Variants in SEMA6D observed in about 807,000 individuals in gnomAD.
SEMA6D encodes semaphorin 6D, also known as semaphorin-6D.
A neutral mutation model predicts 106.6 loss-of-function variants in SEMA6D; 35 were observed. That is an observed-to-expected ratio of 0.33 (90% CI 0.25 to 0.44). SEMA6D has a LOEUF of 0.44. SEMA6D is among the 20% of genes least tolerant of loss of function. SEMA6D has a pLI of 1.00. For synonymous variants in SEMA6D, 499 were observed against 487.7 expected (o/e 1.02, Z -0.31); for missense variants, 1,185 against 1,345.9 (o/e 0.88, Z 1.87).
chr15:47,414,836 T>C (rs531914162), intron 2 of SEMA6D, among the ~76,000 whole-genome samples: 1 of 152,284 alleles, frequency 6.6e-6, no homozygotes, highest in African/African-American at 2.4e-5. Flanking sequence ...TAGACACCAA[T>C]GTACCTCAAT....
At chr15:47,551,438 C>T (rs1180028010) in intron 3 of SEMA6D, among the ~76,000 whole-genome samples, 1 of 152,174 alleles carries the variant, frequency 6.6e-6, no homozygotes, top group Non-Finnish European at 1.5e-5. Flanking sequence ...GTAATACACA[C>T]AGACTGGTGT....
At chr15:47,250,273 A>T (rs1316011170) in intron 1 of SEMA6D, among the ~76,000 whole-genome samples, 1 of 152,112 alleles carries the variant, frequency 6.6e-6, no homozygotes, top group Non-Finnish European at 1.5e-5. Context: ...AAGACACGAC[A>T]TACTGTGCCA....
At chr15:47,661,658 AG>A (rs2077921884) in intron 4 of SEMA6D, among the ~76,000 whole-genome samples, 1 of 152,230 alleles carries the variant, frequency 6.6e-6, no homozygotes, top group African/African-American at 2.4e-5. Flanking sequence ...TGTGCGTCCA[AG>A]AAGAATAATG....
chr15:47,397,755 T>G (rs2040264740), intron 1 of SEMA6D: 1 of 152,210 alleles, frequency 6.6e-6, no homozygotes, highest in Non-Finnish European at 1.5e-5. Flanking sequence ...CGCTTGCCAT[T>G]GAAGATGTTG....
chr15:47,541,984 AT>A (rs1022505032), intron 3 of SEMA6D, among the ~76,000 whole-genome samples: 4 of 152,102 alleles, frequency 2.6e-5, no homozygotes, highest in Non-Finnish European at 5.9e-5. Context: ...ACATTTTCAC[AT>A]TTCCTTAAAA....
chr15:47,473,964 G>A (rs913013605), intron 3 of SEMA6D, among the ~76,000 whole-genome samples: 1 of 152,150 alleles, frequency 6.6e-6, no homozygotes, highest in African/African-American at 2.4e-5. Context: ...GTTCTGGAAA[G>A]GCTGTGCCTT....
chr15:47,518,946 C>T (rs943180997), intron 3 of SEMA6D, among the ~76,000 whole-genome samples: 7 of 151,878 alleles, frequency 4.6e-5, no homozygotes, highest in African/African-American at 1.7e-4. Context: ...TAATAAAGGC[C>T]GGGCACAGTG....
chr15:47,446,719 AGAAACAAT>A (rs2140876719), intron 2 of SEMA6D, among the ~76,000 whole-genome samples: 1 of 152,270 alleles, frequency 6.6e-6, no homozygotes, highest in South Asian at 2.1e-4. Flanking sequence ...CGAAAGGGAA[AGAAACAAT>A]GGAGGTACAG....
At chr15:47,350,698 A>G (rs544688104) in intron 1 of SEMA6D, among the ~76,000 whole-genome samples, 7 of 152,332 alleles carry the variant, frequency 4.6e-5, no homozygotes, top group South Asian at 2.1e-4. Context: ...TGATTGGATA[A>G]CTAGTATTTT....
chr15:47,213,142 C>T (rs974347331), intron 1 of SEMA6D, among the ~76,000 whole-genome samples: 2 of 152,166 alleles, frequency 1.3e-5, no homozygotes, highest in Admixed American at 6.5e-5. Flanking sequence ...AACAGAATTA[C>T]ATTACATTTA....
intron 1 of SEMA6D, among the ~76,000 whole-genome samples, chr15:47,270,710 C>T (rs1389809815): frequency 6.6e-6 from 1 of 152,028 alleles, no homozygotes; most frequent in African/African-American, 2.4e-5. Context: ...ATATATATTA[C>T]AGGCCGAACG....
At chr15:47,210,294 CA>C (rs1244716359) in intron 1 of SEMA6D, among the ~76,000 whole-genome samples, 1 of 152,054 alleles carries the variant, frequency 6.6e-6, no homozygotes, top group Admixed American at 6.6e-5. Context: ...GGGGAACACA[CA>C]AAAGAAGGTG....
intron 3 of SEMA6D, among the ~76,000 whole-genome samples, chr15:47,575,102 G>A (rs2076133395): frequency 6.6e-6 from 1 of 152,210 alleles, no homozygotes; most frequent in South Asian, 2.1e-4. Flanking sequence ...TCACTGAGCT[G>A]ATGGAAACAA....
intron 1 of SEMA6D, among the ~76,000 whole-genome samples, chr15:47,373,228 G>GC: frequency 6.6e-6 from 1 of 152,214 alleles, no homozygotes; most frequent in Middle Eastern, 3.4e-3. Flanking sequence ...TGTTGATATG[G>GC]CCCCCCACTT....
At chr15:47,610,572 G>T (rs1369746380) in intron 4 of SEMA6D, among the ~76,000 whole-genome samples, 1 of 152,186 alleles carries the variant, frequency 6.6e-6, no homozygotes, top group Non-Finnish European at 1.5e-5. Context: ...CCGCCACCAT[G>T]TGTACATTTA....
chr15:47,725,382 AC>A (rs1299220317), intron 1 of SEMA6D, among the ~76,000 whole-genome samples: 1 of 152,166 alleles, frequency 6.6e-6, no homozygotes, highest in Non-Finnish European at 1.5e-5. Context: ...AGCTATGACA[AC>A]CTTTTCCTAA....
At chr15:47,701,321 T>C (rs919216210) in intron 4 of SEMA6D, among the ~76,000 whole-genome samples, 4 of 152,024 alleles carry the variant, frequency 2.6e-5, no homozygotes, top group Admixed American at 6.6e-5. Context: ...AATGTTGAAC[T>C]CATAGAAGTA....
intron 3 of SEMA6D, among the ~76,000 whole-genome samples, chr15:47,513,623 A>G (rs1000053135): frequency 1.3e-5 from 2 of 152,216 alleles, no homozygotes; most frequent in African/African-American, 4.8e-5. Context: ...CTGCAACAGA[A>G]GCTTGGCCAG....
chr15:47,634,748 A>C (rs111758846), intron 4 of SEMA6D, among the ~76,000 whole-genome samples: 4,469 of 151,578 alleles, frequency 0.029, 225 homozygotes, highest in African/African-American at 0.1. Context: ...TCAGGCAGGG[A>C]ATAGAAGATC....
Sources: gnomAD v4.1 joint callset for allele counts (sites outside exome capture counted in the v4.1 genomes callset) on GRCh38, gnomAD v4.1.1 for gene constraint, MANE v1.5 for transcripts, NCBI Gene and HGNC (gene_info 2026-07-23, HGNC 2026-07-21) for gene names.